The following NKAIN3 variants were observed in gnomAD, a reference collection of about 807,000 sequenced individuals.
The protein encoded by NKAIN3 is sodium/potassium-transporting ATPase subunit beta-1-interacting protein 3.
A neutral mutation model predicts 30.2 loss-of-function variants in NKAIN3; 25 were observed. The observed-to-expected ratio is 0.83, with a 90% CI of 0.60 to 1.16. The LOEUF is 1.16. NKAIN3 is among the 50% of genes most tolerant of loss of function. NKAIN3 has a pLI of 0.00. For synonymous variants in NKAIN3, 91 were observed against 89.6 expected (o/e 1.02, Z -0.09); for missense variants, 225 against 254.1 (o/e 0.89, Z 0.78).
intron 1 of NKAIN3, among the ~76,000 whole-genome samples, chr8:62,482,031 C>T (rs1166897655): frequency 6.6e-6 from 1 of 152,180 alleles, no homozygotes; most frequent in African/African-American, 2.4e-5. Flanking sequence ...TGCACTCAAA[C>T]ATATCATGGG....
intron 5 of NKAIN3, among the ~76,000 whole-genome samples, chr8:62,993,589 C>T (rs1229170751): frequency 6.6e-6 from 1 of 152,204 alleles, no homozygotes; most frequent in African/African-American, 2.4e-5. Flanking sequence ...TGTCCTGTTT[C>T]TCCTTTTCAG....
At chr8:62,483,036 C>G (rs889504023) in intron 1 of NKAIN3, 1 of 152,202 alleles carries the variant, frequency 6.6e-6, no homozygotes, top group East Asian at 1.9e-4. Flanking sequence ...CCAGAGCCGT[C>G]TCTTCTCCTT....
intron 3 of NKAIN3, among the ~76,000 whole-genome samples, chr8:62,629,235 T>A (rs1454442581): frequency 6.6e-6 from 1 of 152,182 alleles, no homozygotes; most frequent in Non-Finnish European, 1.5e-5. Context: ...TGTATGGATG[T>A]ATTTCATCCT....
rs1554551234 is a variant in NKAIN3 at position 62,589,717 on chromosome 8, A to G, written c.196A>G (p.Thr66Ala). ...TCCCTCCCCCATTTCTATCTAGTAT[A>G]CAGTGTGGACTGCCCTCTGGGTCAC... ...QYRPRYIMVYTVWTALWVTWN... is the reference protein window; with the variant it reads ...QYRPRYIMVYAVWTALWVTWN... Residue 66 changes from threonine (T) to alanine (A), a missense_variant, in exon 3 of 7, where the codon ACA becomes GCA. Physicochemically the swap from Thr to Ala is moderately conservative, Grantham distance 58. Coordinates refer to ENST00000623646, the MANE Select transcript of NKAIN3 (RefSeq NM_001304533.3). The G allele has an allele frequency of 2.6e-6, 4 of 1,553,320 alleles. No homozygotes were observed. The highest frequency in any genetic ancestry group is 2.2e-5 in the South Asian group (2 of 88,902).
At chr8:62,396,222 G>A (rs1427865323) in intron 1 of NKAIN3, among the ~76,000 whole-genome samples, 1 of 152,118 alleles carries the variant, frequency 6.6e-6, no homozygotes, top group Non-Finnish European at 1.5e-5. Context: ...AGACCCTTAT[G>A]CACAAAGGTG....
chr8:62,607,410 T>C (rs960519754), intron 3 of NKAIN3, among the ~76,000 whole-genome samples: 1 of 152,132 alleles, frequency 6.6e-6, no homozygotes, highest in Non-Finnish European at 1.5e-5. Context: ...GCACCTTCTC[T>C]TGGGACCATT....
chr8:62,806,209 C>G (rs1291482492), intron 4 of NKAIN3, among the ~76,000 whole-genome samples: 2 of 152,188 alleles, frequency 1.3e-5, no homozygotes, highest in African/African-American at 2.4e-5. Flanking sequence ...GTTGGTGGGA[C>G]TGTAAACTAG....
chr8:62,992,949 A>G (rs1255154747), intron 5 of NKAIN3, among the ~76,000 whole-genome samples: 1 of 152,160 alleles, frequency 6.6e-6, no homozygotes, highest in Non-Finnish European at 1.5e-5. Flanking sequence ...ATAAAACTCA[A>G]GCTTTCTTGA....
intron 3 of NKAIN3, among the ~76,000 whole-genome samples, chr8:62,603,148 A>G (rs1216994167): frequency 1.3e-5 from 2 of 152,138 alleles, no homozygotes; most frequent in African/African-American, 2.4e-5. Flanking sequence ...TGACATTAAG[A>G]TTTGGATTTT....
intron 1 of NKAIN3, among the ~76,000 whole-genome samples, chr8:62,514,637 A>G (rs536835039): frequency 2.2e-4 from 34 of 152,274 alleles, no homozygotes; most frequent in Non-Finnish European, 2.5e-4. Context: ...TGAGAAGTTC[A>G]TGTTCTGCAT....
chr8:62,814,627 G>A (rs2130720332), intron 4 of NKAIN3, among the ~76,000 whole-genome samples: 1 of 152,166 alleles, frequency 6.6e-6, no homozygotes, highest in Admixed American at 6.5e-5. Context: ...GCTCCTGAAT[G>A]ACTACTGGGT....
chr8:62,813,165 G>T (rs924998488), intron 4 of NKAIN3, among the ~76,000 whole-genome samples: 3 of 151,784 alleles, frequency 2.0e-5, no homozygotes, highest in Admixed American at 6.6e-5. Context: ...TAAATACAAG[G>T]ATTTATTTAT....
rs530319628 is a variant in NKAIN3, at chr8:62,530,935, G to A, written c.55-48604G>A. Among the ~76,000 whole-genome samples the A allele has an allele frequency of 5.5e-4, 84 of 152,174 alleles. No homozygotes were observed. The South Asian group carries it at 0.015, about 28-fold the overall frequency. On this transcript the variant is annotated intron_variant, in intron 1 of 6. Transcript: ENST00000623646. ...GCTGGAATTATGGGCGTGAACCACC[G>A]TGCCTGGCCCACTTCCTGGTTTTCA...
intron 4 of NKAIN3, among the ~76,000 whole-genome samples, chr8:62,761,543 G>C (rs191025914): frequency 6.6e-6 from 1 of 152,164 alleles, no homozygotes; most frequent in African/African-American, 2.4e-5. Context: ...ATGTTATCTT[G>C]GTCAGATGAA....
At chr8:62,352,898 T>G in intron 1 of NKAIN3, among the ~76,000 whole-genome samples, 1 of 152,138 alleles carries the variant, frequency 6.6e-6, no homozygotes, top group East Asian at 1.9e-4. Flanking sequence ...TATTTTGGAG[T>G]GAATGAATTA....
chr8:62,876,773 T>C (rs1396500261), intron 4 of NKAIN3, among the ~76,000 whole-genome samples: 3 of 151,540 alleles, frequency 2.0e-5, no homozygotes, highest in Non-Finnish European at 4.4e-5. Context: ...TGAGAACTCA[T>C]GGACACAGAG....
chr8:62,982,208 A>G lies in NKAIN3; in HGVS notation c.*16801A>G, dbSNP rs952927448. The G allele has an allele frequency of 6.6e-6, 1 of 152,242 alleles. No homozygotes were observed. Among genetic ancestry groups the G allele is most frequent in the African/African-American group, 2.4e-5 (1 of 41,462 alleles). 9.4% of individuals were successfully genotyped at this position (152,242 alleles called of 1,614,324 possible). A position where few individuals can be genotyped will look rare whatever the true frequency, so the allele number is the denominator to read the frequency against. ...TCAATTTAAAAATTCATTAGTATAA[A>G]TTAAGAACAGGTACCATTTTCTCCA... On this transcript the variant is annotated 3_prime_UTR_variant, in exon 7 of 7. Transcript: ENST00000623646.
At chr8:62,534,860 G>GTT (rs145601852) in intron 1 of NKAIN3, among the ~76,000 whole-genome samples, 102,795 of 145,480 alleles carry the variant, frequency 0.71, 37,352 homozygotes, top group South Asian at 0.82. Context: ...TGCATTTATT[G>GTT]GTTTTTTTTT....
intron 1 of NKAIN3, among the ~76,000 whole-genome samples, chr8:62,351,737 A>G (rs1816186503): frequency 6.6e-6 from 1 of 152,182 alleles, no homozygotes; most frequent in South Asian, 2.1e-4. Flanking sequence ...GAAATTGACC[A>G]GTTTTTGTGG....
Sources: allele counts gnomAD v4.1 joint callset (sites outside exome capture counted in the v4.1 genomes callset), GRCh38; gene constraint gnomAD v4.1.1; transcripts MANE v1.5; gene names NCBI Gene and HGNC (gene_info 2026-07-23, HGNC 2026-07-21).